The following YWHAG variants were observed in gnomAD, a reference collection of about 807,000 sequenced individuals.
The protein encoded by YWHAG is 14-3-3 protein gamma.
In YWHAG, 1 loss-of-function variant was observed where a neutral mutation model predicts 23.3. That is an observed-to-expected ratio of 0.04 (90% confidence interval 0.02 to 0.20). The LOEUF (loss-of-function observed/expected upper bound fraction) is 0.20. YWHAG is among the 10% of genes least tolerant of loss of function. YWHAG has a pLI of 1.00. For synonymous variants in YWHAG, 160 were observed against 144.0 expected, an observed-to-expected ratio of 1.11 and a Z score of -0.80; for missense variants, 151 against 338.6, an observed-to-expected ratio of 0.45 and a Z score of 4.35.
chr7:76,352,370 G>T (rs564752540), intron 1 of YWHAG, among the ~76,000 whole-genome samples: 1 of 152,048 alleles, frequency 6.6e-6, no homozygotes, highest in Non-Finnish European at 1.5e-5. Flanking sequence ...CTCAGCTTGC[G>T]GCAGGTTGGG....
chr7:76,349,619 G>C (rs1803844322), intron 1 of YWHAG, among the ~76,000 whole-genome samples: 1 of 152,192 alleles, frequency 6.6e-6, no homozygotes, highest in Admixed American at 6.5e-5. Flanking sequence ...TTCTATGTAA[G>C]TTGTAAAAAT....
At chr7:76,336,872 G>GCAA (rs1803623928) in intron 1 of YWHAG, among the ~76,000 whole-genome samples, 1 of 151,738 alleles carries the variant, frequency 6.6e-6, no homozygotes, top group African/African-American at 2.4e-5. Context: ...CAAGGGCCAT[G>GCAA]AAAAAGAGAA....
At chr7:76,345,102 C>T (rs1364652986) in intron 1 of YWHAG, among the ~76,000 whole-genome samples, 4 of 151,666 alleles carry the variant, frequency 2.6e-5, no homozygotes, top group Admixed American at 6.6e-5. Flanking sequence ...GAAGTCACTA[C>T]AAACGGCCTG....
At chr7:76,339,102 A>G (rs1803655773) in intron 1 of YWHAG, among the ~76,000 whole-genome samples, 1 of 152,120 alleles carries the variant, frequency 6.6e-6, no homozygotes, top group Admixed American at 6.5e-5. Context: ...TTATATAAAC[A>G]GTTTATGGAT....
chr7:76,333,209 ATCC>A (rs1803570869), intron 1 of YWHAG, among the ~76,000 whole-genome samples: 2 of 152,036 alleles, frequency 1.3e-5, no homozygotes, highest in Non-Finnish European at 2.9e-5. Context: ...GCCTCAAGTG[ATCC>A]ACCCACCTTA....
chr7:76,341,404 C>CAAAAA lies in YWHAG; in HGVS notation c.88-11176_88-11172dup, dbSNP rs1158151013. Among the ~76,000 whole-genome samples, 85 of 44,646 alleles carry CAAAAA rather than the reference C, an allele frequency of 1.9e-3. 4 individuals are homozygous for CAAAAA. The highest frequency in any genetic ancestry group is 2.8e-3 in the South Asian group (2 of 708). 29.3% of individuals were successfully genotyped at this position (44,646 alleles called of 152,430 possible). ...GGGTGACAGGACAAGACTCTTGCCT[C>CAAAAA]AAAAAAAAAAAAAAAAAAAAAAAAA... On this transcript the variant is annotated intron_variant, in intron 1 of 1. Transcript: ENST00000307630.
chr7:76,332,814 C>T (rs1472469184), intron 1 of YWHAG, among the ~76,000 whole-genome samples: 1 of 151,850 alleles, frequency 6.6e-6, no homozygotes, highest in African/African-American at 2.4e-5. Context: ...AGCGATTCTC[C>T]TGCCTCAGCC....
chr7:76,341,046 C>T (rs868347133), intron 1 of YWHAG, among the ~76,000 whole-genome samples: 5 of 152,212 alleles, frequency 3.3e-5, no homozygotes, highest in Middle Eastern at 3.4e-3. Context: ...TCCTCCCGCC[C>T]CTCCCCAGCC....
intron 1 of YWHAG, among the ~76,000 whole-genome samples, chr7:76,351,039 T>A (rs191332733): frequency 3.2e-4 from 48 of 152,304 alleles, no homozygotes; most frequent in Admixed American, 1.0e-3. Context: ...ATTGAAATGA[T>A]GTCAAGTGAA....
intron 1 of YWHAG, among the ~76,000 whole-genome samples, chr7:76,339,854 C>T (rs1803665099): frequency 6.6e-6 from 1 of 152,096 alleles, no homozygotes; most frequent in African/African-American, 2.4e-5. Flanking sequence ...TCTGGAAGGC[C>T]AAGGCGGGTG....
intron 1 of YWHAG, among the ~76,000 whole-genome samples, chr7:76,339,165 G>C (rs1803656416): frequency 6.6e-6 from 1 of 152,180 alleles, no homozygotes; most frequent in African/African-American, 2.4e-5. Context: ...TTTTAACTTA[G>C]TTGTATAAAA....
intron 1 of YWHAG, among the ~76,000 whole-genome samples, chr7:76,343,736 G>GA (rs1303124874): frequency 2.6e-5 from 4 of 152,178 alleles, no homozygotes; most frequent in Non-Finnish European, 4.4e-5. Context: ...GCAAGTATGA[G>GA]ATAGGCAAGG....
At chr7:76,358,029 A>G (rs963510401) in intron 1 of YWHAG, among the ~76,000 whole-genome samples, 2 of 152,250 alleles carry the variant, frequency 1.3e-5, no homozygotes, top group Non-Finnish European at 2.9e-5. Flanking sequence ...ATGATCAATG[A>G]AAACGCTAGC....
At chr7:76,334,003 A>G (rs1803581542) in intron 1 of YWHAG, among the ~76,000 whole-genome samples, 1 of 152,214 alleles carries the variant, frequency 6.6e-6, no homozygotes, top group Non-Finnish European at 1.5e-5. Flanking sequence ...CCCCAGACAC[A>G]TTGGAACAAG....
At chr7:76,330,763 G>A (rs1383472843) in intron 1 of YWHAG, among the ~76,000 whole-genome samples, 1 of 152,206 alleles carries the variant, frequency 6.6e-6, no homozygotes, top group Non-Finnish European at 1.5e-5. Context: ...TCTGATCGCT[G>A]TGATACTTTA....
In YWHAG at chr7:76,329,511, ACTC is replaced by A; in HGVS notation, c.*63_*65del. 4.4e-6 allele frequency: 6 copies of A among 1,349,546 alleles called. No individual in the cohort carries two copies. The highest frequency in any genetic ancestry group is 4.9e-6 in the Non-Finnish European group (5 of 1,011,188). 83.6% of individuals were successfully genotyped at this position (1,349,546 alleles called of 1,614,324 possible). On this transcript the variant is annotated 3_prime_UTR_variant, in exon 2 of 2. Transcript: ENST00000307630. This position sits in a 1 kb window ranked among gnomAD's most constrained non-coding sequence, Gnocchi z 6.1. ...CTTTCCCTCCCCCACCCGACCCCCA[ACTC>A]ATGGGAAAAAAATAAAGACTGCAGT...
intron 1 of YWHAG, among the ~76,000 whole-genome samples, chr7:76,345,790 C>T (rs948119302): frequency 6.6e-6 from 1 of 151,916 alleles, no homozygotes; most frequent in African/African-American, 2.4e-5. Flanking sequence ...CAAAAATTAG[C>T]TGGGCATGGT....
In YWHAG at chr7:76,336,906, CAG is replaced by C. The variant is rs574836250; in HGVS notation, c.88-6675_88-6674del. Among the ~76,000 whole-genome samples the C allele has an allele frequency of 1.9e-4, 29 of 152,218 alleles. No individual in the cohort carries two copies. In the South Asian group the frequency reaches 5.8e-3, roughly 30 times the overall value. ...AAATGCAGTGAGTGCTAAATAGAAA[CAG>C]AAAGAATGAGATGACCAAGTGCAGG... On this transcript the variant is annotated intron_variant, in intron 1 of 1. Transcript: ENST00000307630.
Position 76,329,489 on chromosome 7 carries a change from T to TCCCACCC in YWHAG, c.*87_*88insGGGTGGG. 1 of 1,024,226 alleles carries TCCCACCC rather than the reference T, an allele frequency of 9.8e-7. No individual in the cohort carries two copies. The highest frequency in any genetic ancestry group is 1.4e-6 in the Non-Finnish European group (1 of 740,082). 63.4% of individuals were successfully genotyped at this position (1,024,226 alleles called of 1,614,324 possible). ...TCCCTGGGAAGGTCATCCCTCCCTT[T>TCCCACCC]CCCTCCCCCACCCGACCCCCAACTC... On this transcript the variant is annotated 3_prime_UTR_variant, in exon 2 of 2. Coordinates refer to ENST00000307630, the MANE Select transcript of YWHAG (RefSeq NM_012479.4). The surrounding 1 kb of genome is among the most constrained non-coding windows in gnomAD (Gnocchi z 6.1).
Sources: allele counts gnomAD v4.1 joint callset (sites outside exome capture counted in the v4.1 genomes callset), GRCh38; gene constraint gnomAD v4.1.1; non-coding constraint Gnocchi (gnomAD v3.1); transcripts MANE v1.5; gene names NCBI Gene and HGNC (gene_info 2026-07-23, HGNC 2026-07-21).